Variants in BBS9 observed in about 807,000 individuals in gnomAD.
BBS9 encodes the protein Bardet-Biedl syndrome 9, also known as protein PTHB1.
In BBS9, 89 loss-of-function variants were observed where a neutral mutation model predicts 117.7. That is an observed-to-expected ratio of 0.76 (90% CI 0.64 to 0.90). The LOEUF (loss-of-function observed/expected upper bound fraction) is 0.90. BBS9 is among the 40% of genes least tolerant of loss of function. BBS9 has a pLI of 0.00. For synonymous variants in BBS9, 379 were observed against 370.9 expected, an observed-to-expected ratio of 1.02 and a Z score of -0.25; for missense variants, 982 against 1,042.2, an observed-to-expected ratio of 0.94 and a Z score of 0.80.
chr7:33,449,645 C>G (rs1437456748), intron 19 of BBS9, among the ~76,000 whole-genome samples: 1 of 152,130 alleles, frequency 6.6e-6, no homozygotes, highest in African/African-American at 2.4e-5. Flanking sequence ...CAGCATGTAT[C>G]TGTGTTAGAG....
chr7:33,454,308 A>G (rs1248819820), intron 19 of BBS9, among the ~76,000 whole-genome samples: 1 of 152,198 alleles, frequency 6.6e-6, no homozygotes, highest in Non-Finnish European at 1.5e-5. Context: ...AGTAGTTTCT[A>G]TTCTGTTGCC....
rs190649925 is a variant in BBS9 at position 33,244,569 on chromosome 7, A to G, written c.443-12667A>G. Among the ~76,000 whole-genome samples the G allele has an allele frequency of 1.3e-4, 20 of 152,256 alleles. 1 individual carries two copies. Among genetic ancestry groups the G allele is most frequent in the African/African-American group, 4.3e-4 (18 of 41,560 alleles). On this transcript the variant is annotated intron_variant, in intron 5 of 22. Coordinates refer to ENST00000242067, the MANE Select transcript of BBS9 (RefSeq NM_198428.3). ...GTTGGCTTGATACTTTTTTTAAAGC[A>G]TGCTAAATTTTGGTTTAAGATTGCC...
chr7:33,341,926 CA>C, intron 11 of BBS9, among the ~76,000 whole-genome samples: 1 of 152,112 alleles, frequency 6.6e-6, no homozygotes, highest in Non-Finnish European at 1.5e-5. Flanking sequence ...TGATCACCAA[CA>C]GAAATTGGTG....
intron 19 of BBS9, among the ~76,000 whole-genome samples, chr7:33,483,840 G>C (rs1842784225): frequency 6.6e-6 from 1 of 151,948 alleles, no homozygotes; most frequent in Admixed American, 6.6e-5. Context: ...GTCTTGCTTT[G>C]TTACCCAGGC....
intron 21 of BBS9, among the ~76,000 whole-genome samples, chr7:33,601,603 G>A (rs1392661743): frequency 6.6e-6 from 1 of 152,146 alleles, no homozygotes; most frequent in Admixed American, 6.5e-5. Context: ...GATGGGGCCT[G>A]AGATTCTGCA....
intron 15 of BBS9, among the ~76,000 whole-genome samples, chr7:33,357,239 T>C (rs904074876): frequency 4.0e-5 from 6 of 151,796 alleles, no homozygotes; most frequent in African/African-American, 1.4e-4. Context: ...TAAAGTGATA[T>C]GTAAAGTTAA....
chr7:33,195,707 G>C (rs937539956), intron 5 of BBS9, among the ~76,000 whole-genome samples: 1 of 136,818 alleles, frequency 7.3e-6, no homozygotes, highest in Admixed American at 7.8e-5. Context: ...TAGTGTAAAA[G>C]ACACATCTTT....
In BBS9 at chr7:33,308,280, C is replaced by A. The variant is rs146044944; in HGVS notation, c.1017-28161C>A. Among the ~76,000 whole-genome samples the A allele has an allele frequency of 2.5e-4, 38 of 152,264 alleles. 1 individual carries two copies. Among genetic ancestry groups the A allele is most frequent in the African/African-American group, 8.7e-4 (36 of 41,562 alleles). ...AGGACTGGATTTGGAGGACACAGCTCATTCCAGACCCCGCTTCTCTCTTTA... is the reference window on the plus strand; with the variant it reads ...AGGACTGGATTTGGAGGACACAGCTAATTCCAGACCCCGCTTCTCTCTTTA... On this transcript the variant is annotated intron_variant, in intron 9 of 22. Transcript: ENST00000242067.
chr7:33,502,553 G>T (rs1845599148), intron 19 of BBS9, among the ~76,000 whole-genome samples: 1 of 152,164 alleles, frequency 6.6e-6, no homozygotes, highest in Non-Finnish European at 1.5e-5. Context: ...TTAAGTTTAT[G>T]TGATTTAATT....
chr7:33,296,314 TA>T (rs1291411283), intron 9 of BBS9, among the ~76,000 whole-genome samples: 2 of 152,176 alleles, frequency 1.3e-5, no homozygotes, highest in Non-Finnish European at 2.9e-5. Flanking sequence ...ACCGTATGTG[TA>T]AAACAATTAG....
At chr7:33,354,576 G>T (rs1214339353) in intron 15 of BBS9, among the ~76,000 whole-genome samples, 1 of 152,106 alleles carries the variant, frequency 6.6e-6, no homozygotes, top group Non-Finnish European at 1.5e-5. Context: ...ACTCTAGCAG[G>T]CCCCTGGAAA....
chr7:33,414,925 G>A (rs1237597259), intron 19 of BBS9, among the ~76,000 whole-genome samples: 2 of 152,138 alleles, frequency 1.3e-5, no homozygotes, highest in African/African-American at 4.8e-5. Context: ...AACTAGGGTA[G>A]TGGTTTTCAC....
chr7:33,606,559 A>G (rs949025450), downstream of BBS9, among the ~76,000 whole-genome samples: 1 of 152,182 alleles, frequency 6.6e-6, no homozygotes, highest in African/African-American at 2.4e-5. Flanking sequence ...TCAGAGTAAG[A>G]TGCCTCTTGG....
At chr7:33,419,569 G>A (rs1832547309) in intron 19 of BBS9, among the ~76,000 whole-genome samples, 1 of 152,072 alleles carries the variant, frequency 6.6e-6, no homozygotes, top group African/African-American at 2.4e-5. Flanking sequence ...TAATGGTGGT[G>A]TGGCAAAAAT....
intron 6 of BBS9, among the ~76,000 whole-genome samples, chr7:33,258,149 A>G (rs924917350): frequency 6.6e-6 from 1 of 152,198 alleles, no homozygotes; most frequent in Non-Finnish European, 1.5e-5. Context: ...CATGCTGGGA[A>G]AAGAAATAGC....
chr7:33,483,401 T>C (rs1352316421), intron 19 of BBS9, among the ~76,000 whole-genome samples: 1 of 152,200 alleles, frequency 6.6e-6, no homozygotes, highest in East Asian at 1.9e-4. Flanking sequence ...ATGGTGTCTA[T>C]TTTACCTTAG....
At chr7:33,407,479 A>T (rs1830248774) in intron 19 of BBS9, among the ~76,000 whole-genome samples, 1 of 152,198 alleles carries the variant, frequency 6.6e-6, no homozygotes, top group Admixed American at 6.5e-5. Flanking sequence ...GCTGGTGAGG[A>T]ACTGCATTCC....
At chr7:33,484,546 C>A (rs1348320362) in intron 19 of BBS9, among the ~76,000 whole-genome samples, 1 of 152,162 alleles carries the variant, frequency 6.6e-6, no homozygotes, top group Non-Finnish European at 1.5e-5. Context: ...AAAAGCTCAA[C>A]ATCACTGGTC....
intron 21 of BBS9, among the ~76,000 whole-genome samples, chr7:33,542,295 G>A (rs906585693): frequency 6.6e-6 from 1 of 152,108 alleles, no homozygotes; most frequent in Non-Finnish European, 1.5e-5. Context: ...ATATTGGTCA[G>A]GCTGGTCTCG....
Sources: gnomAD v4.1 joint callset for allele counts (sites outside exome capture counted in the v4.1 genomes callset) on GRCh38, gnomAD v4.1.1 for gene constraint, MANE v1.5 for transcripts, NCBI Gene and HGNC (gene_info 2026-07-23, HGNC 2026-07-21) for gene names.